Variants in HIVEP2 observed in about 807,000 individuals in gnomAD.
HIVEP2 encodes the protein transcription factor HIVEP2.
Under a neutral mutation model 180.7 loss-of-function variants are expected in HIVEP2, and 14 were observed. The observed-to-expected ratio is 0.08, with a 90% CI of 0.05 to 0.12. HIVEP2 has a LOEUF of 0.12. Among genes scored for constraint, HIVEP2 ranks in the 10% least tolerant of loss-of-function variants. HIVEP2 has a pLI of 1.00. For synonymous variants in HIVEP2, 1,184 were observed against 1,136.4 expected (o/e 1.04, Z -0.84); for missense variants, 2,579 against 3,008.5 (o/e 0.86, Z 3.34).
At chr6:142,944,055 G>C (rs982461278) in intron 1 of HIVEP2, among the ~76,000 whole-genome samples, 1 of 152,206 alleles carries the variant, frequency 6.6e-6, no homozygotes, top group Non-Finnish European at 1.5e-5. Flanking sequence ...GGGAAGACTA[G>C]TGCCTGCAGT....
chr6:142,809,334 C>T (rs556645525), intron 2 of HIVEP2, among the ~76,000 whole-genome samples: 9 of 152,124 alleles, frequency 5.9e-5, no homozygotes, highest in Non-Finnish European at 1.2e-4. Flanking sequence ...CTGCCTCACC[C>T]ATCCTGAGAT....
rs1775240342 is a variant in HIVEP2 at position 142,836,954 on chromosome 6, G to T, written c.-547C>A. ...ACTTACCTAGTGGCTGTATGTTAAA[G>T]CATCGGTAAAAGAGCATTCCAACCA... is the stretch of plus-strand genomic sequence containing the variant. On this transcript the variant is annotated 5_prime_UTR_variant, in exon 2 of 10. It introduces an in-frame stop codon into an upstream open reading frame of the 5' UTR. Transcript: ENST00000367603. 6.6e-6 allele frequency: 1 copy of T among 152,058 alleles called. No homozygotes were observed. The highest frequency in any genetic ancestry group is 2.4e-5 in the African/African-American group (1 of 41,416). 9.4% of individuals were successfully genotyped at this position (152,058 alleles called of 1,614,324 possible).
Position 142,943,577 on chromosome 6 carries a change from A to C in HIVEP2, c.-641+1522T>G, listed in dbSNP as rs1778230712. Reference sequence around the variant, plus strand: ...TGACTAGGGCTCTGGGTATGCTAGAAAAACACAGATCTCTTGTGAATTATT... The same window carrying C: ...TGACTAGGGCTCTGGGTATGCTAGACAAACACAGATCTCTTGTGAATTATT... On this transcript the variant is annotated intron_variant, in intron 1 of 9. Coordinates refer to ENST00000367603, the MANE Select transcript of HIVEP2 (RefSeq NM_006734.4). The surrounding 1 kb of genome is among the most constrained non-coding windows in gnomAD (Gnocchi z 4.5). 6.6e-6 allele frequency among the ~76,000 whole-genome samples: 1 copy of C among 152,216 alleles called. No homozygotes were observed. Among genetic ancestry groups the C allele is most frequent in the Non-Finnish European group, 1.5e-5 (1 of 68,038 alleles).
intron 1 of HIVEP2, among the ~76,000 whole-genome samples, chr6:142,843,600 G>A (rs1346415462): frequency 2.0e-5 from 3 of 152,110 alleles, no homozygotes; most frequent in African/African-American, 7.2e-5. Flanking sequence ...AGAAAGCTAC[G>A]GTGAGCCTGC....
chr6:142,901,166 A>G (rs940496996), intron 1 of HIVEP2, among the ~76,000 whole-genome samples: 2 of 152,216 alleles, frequency 1.3e-5, no homozygotes, highest in African/African-American at 4.8e-5. Flanking sequence ...ACTTGAGTGC[A>G]TACATGATGT....
intron 1 of HIVEP2, among the ~76,000 whole-genome samples, chr6:142,859,795 T>C (rs1171982542): frequency 9.5e-5 from 12 of 125,908 alleles, no homozygotes; most frequent in Non-Finnish European, 1.7e-4. Flanking sequence ...GATCACACCA[T>C]TGCACTCCAG....
chr6:142,940,579 C>T (rs2128441431), intron 1 of HIVEP2, among the ~76,000 whole-genome samples: 1 of 152,318 alleles, frequency 6.6e-6, no homozygotes, highest in South Asian at 2.1e-4. Flanking sequence ...GTCAACCTTC[C>T]TTCAAGGCCC....
chr6:142,752,871 C>A lies in HIVEP2; in HGVS notation c.*236G>T. On this transcript the variant is annotated 3_prime_UTR_variant, in exon 10 of 10. Transcript: ENST00000367603. ...AAGCAAAGTAAAGAAAAGGCACAAA[C>A]ATCTGTACAATTTTAAAAGTACCAG... The A allele has an allele frequency of 2.2e-6, 1 of 455,560 alleles. No individual in the cohort carries two copies. Among genetic ancestry groups the A allele is most frequent in the Non-Finnish European group, 3.9e-6 (1 of 257,082 alleles). 28.2% of individuals were successfully genotyped at this position (455,560 alleles called of 1,614,324 possible). A position where few individuals can be genotyped will look rare whatever the true frequency, so the allele number is the denominator to read the frequency against.
chr6:142,891,398 G>A (rs1329875230), intron 1 of HIVEP2, among the ~76,000 whole-genome samples: 2 of 150,212 alleles, frequency 1.3e-5, no homozygotes, highest in Non-Finnish European at 1.5e-5. Flanking sequence ...ACATATGTAT[G>A]TTTATATATA....
intron 2 of HIVEP2, among the ~76,000 whole-genome samples, chr6:142,785,975 G>A (rs760640905): frequency 6.6e-5 from 10 of 152,158 alleles, no homozygotes; most frequent in South Asian, 2.1e-4. Flanking sequence ...CAATTGCAGC[G>A]TTTTTGCACA....
At chr6:142,849,487 T>C (rs1775593953) in intron 1 of HIVEP2, among the ~76,000 whole-genome samples, 1 of 152,048 alleles carries the variant, frequency 6.6e-6, no homozygotes, top group Non-Finnish European at 1.5e-5. Flanking sequence ...ATTAGCATCA[T>C]TAGCAGCTAG....
At position 142,774,454 on chromosome 6, in the gene HIVEP2, T is replaced by C. The variant is rs747205489; in HGVS notation, c.285A>G (p.Gln95=). The change falls in exon 5 of 10, where the codon CAA becomes CAG. Residue 95 remains glutamine, a synonymous_variant. Coordinates refer to ENST00000367603, the MANE Select transcript of HIVEP2 (RefSeq NM_006734.4). This position sits in a 1 kb window ranked among gnomAD's most constrained non-coding sequence, Gnocchi z 5.1. ...PPHRPSPYSC[Q]HSLSFPQHSL... ...AGTGCTGAGGGAAAGAGAGTGAGTG[T>C]TGGCATGAGTAAGGACTCGGACGAT... 9.9e-6 allele frequency: 16 copies of C among 1,613,998 alleles called. No individual in the cohort carries two copies. The South Asian group carries it at 1.5e-4, about 16-fold the overall frequency.
chr6:142,891,676 TG>T (rs956805599), intron 1 of HIVEP2, among the ~76,000 whole-genome samples: 2 of 152,176 alleles, frequency 1.3e-5, no homozygotes, highest in Non-Finnish European at 2.9e-5. Flanking sequence ...CCCTGGGCCT[TG>T]CCCTCCTGTG....
At chr6:142,818,852 C>T (rs1776946004) in intron 2 of HIVEP2, among the ~76,000 whole-genome samples, 1 of 149,842 alleles carries the variant, frequency 6.7e-6, no homozygotes, top group Non-Finnish European at 1.5e-5. Context: ...AAAAAATGCC[C>T]AGGAACCAGG....
In HIVEP2 at chr6:142,914,341, C is replaced by T. The variant is rs117700772; in HGVS notation, c.-641+30758G>A. 8.2e-3 allele frequency among the ~76,000 whole-genome samples: 1,255 copies of T among 152,188 alleles called. 7 individuals are homozygous for T. The highest frequency in any genetic ancestry group is 0.01 in the Middle Eastern group (3 of 292). On this transcript the variant is annotated intron_variant, in intron 1 of 9. Transcript: ENST00000367603. Reference sequence around the variant, plus strand: ...TCCTTTCTTAGAGGTACATCAAATGCCATCTTACAACCGATGATACCTTAG... The same window carrying T: ...TCCTTTCTTAGAGGTACATCAAATGTCATCTTACAACCGATGATACCTTAG...
At position 142,773,106 on chromosome 6, in the gene HIVEP2, A is replaced by C. The variant is rs765142316; in HGVS notation, c.1633T>G (p.Ser545Ala). 6.2e-7 allele frequency: 1 copy of C among 1,614,224 alleles called. No individual in the cohort carries two copies. The highest frequency in any genetic ancestry group is 1.7e-5 in the Admixed American group (1 of 60,030). Residue 545 changes from serine to alanine, a missense_variant, in exon 5 of 10, where the codon TCA becomes GCA. This residue lies in a region of HIVEP2 where 524 missense variants were observed against 563.6 expected (regional missense o/e 0.93). Transcript: ENST00000367603. The part of the protein sequence containing the change: ...VDSSPLIRSN[S>A]VPTSSATNLT... The stretch of plus-strand genomic sequence containing the variant: ...TTAGTTGCTGAAGAAGTTGGCACTG[A>C]GTTGCTTCTAATAAGGGGTGAAGAG...
intron 2 of HIVEP2, among the ~76,000 whole-genome samples, chr6:142,803,848 C>T (rs536893045): frequency 1.1e-4 from 16 of 152,194 alleles, no homozygotes; most frequent in African/African-American, 3.6e-4. Context: ...ATCACTCCTT[C>T]ACACACCCCT....
chr6:142,907,526 C>T (rs1182810804), intron 1 of HIVEP2, among the ~76,000 whole-genome samples: 1 of 152,198 alleles, frequency 6.6e-6, no homozygotes, highest in Admixed American at 6.5e-5. Flanking sequence ...GAGTCGTACT[C>T]AGTAAAGGTT....
chr6:142,867,253 T>C (rs1234752904), intron 1 of HIVEP2, among the ~76,000 whole-genome samples: 5 of 152,176 alleles, frequency 3.3e-5, no homozygotes, highest in Non-Finnish European at 7.4e-5. Flanking sequence ...AGTTTTGTGT[T>C]AATAACTTTA....
Sources: gnomAD v4.1 joint callset for allele counts (sites outside exome capture counted in the v4.1 genomes callset) on GRCh38, gnomAD v4.1.1 for gene constraint, gnomAD v4.1.1 regional missense constraint, Gnocchi (gnomAD v3.1) non-coding constraint, MANE v1.5 for transcripts, NCBI Gene and HGNC (gene_info 2026-07-23, HGNC 2026-07-21) for gene names.